GPM6A: variants seen among roughly 807,000 people sequenced by gnomAD.
GPM6A encodes glycoprotein M6A.
Under a neutral mutation model 32.1 loss-of-function variants are expected in GPM6A, and 7 were observed. The observed-to-expected ratio is 0.22, with a 90% CI of 0.12 to 0.41. The LOEUF is 0.41. GPM6A is among the 10% of genes least tolerant of loss of function. GPM6A has a pLI of 1.00. For synonymous variants in GPM6A, 130 were observed against 123.4 expected, an observed-to-expected ratio of 1.05 and a Z score of -0.35; for missense variants, 235 against 347.2, an observed-to-expected ratio of 0.68 and a Z score of 2.57.
At chr4:175,972,218 A>AT (rs1314992559) in intron 1 of GPM6A, among the ~76,000 whole-genome samples, 2 of 152,284 alleles carry the variant, frequency 1.3e-5, no homozygotes, top group East Asian at 1.9e-4. Context: ...GCAATAGAAG[A>AT]TTTTTTTAAA....
chr4:175,886,915 A>C (rs1737478258), intron 1 of GPM6A, among the ~76,000 whole-genome samples: 1 of 152,078 alleles, frequency 6.6e-6, no homozygotes, highest in African/African-American at 2.4e-5. Flanking sequence ...AAATAAATTA[A>C]AAGAAATGAA....
intron 1 of GPM6A, among the ~76,000 whole-genome samples, chr4:175,966,112 AT>A (rs1471570101): frequency 1.3e-5 from 2 of 152,056 alleles, no homozygotes; most frequent in African/African-American, 4.8e-5. Context: ...TGCCCTTAAA[AT>A]TTATATTTTC....
intron 2 of GPM6A, among the ~76,000 whole-genome samples, chr4:175,692,462 A>G (rs1386486102): frequency 6.6e-6 from 1 of 152,130 alleles, no homozygotes; most frequent in African/African-American, 2.4e-5. Context: ...AGTGAGGATG[A>G]ACATATGCTT....
At position 175,640,034 on chromosome 4, in the gene GPM6A, TG is replaced by T. The variant is rs1308946972; in HGVS notation, c.684+94del. ...TCTGATGACATAAATGTGTTTTACA[TG>T]AACTTCAAACTTTAGAGATAGTTTA... On this transcript the variant is annotated intron_variant, in intron 6 of 6. Coordinates refer to ENST00000393658, the MANE Select transcript of GPM6A (RefSeq NM_201591.3). 1.9e-4 allele frequency: 193 copies of T among 1,006,618 alleles called. 2 individuals are homozygous for T. In the South Asian group the frequency reaches 2.1e-3, roughly 11 times the overall value. 62.4% of individuals were successfully genotyped at this position (1,006,618 alleles called of 1,614,324 possible). A position where few individuals can be genotyped will look rare whatever the true frequency, so the allele number is the denominator to read the frequency against.
intron 1 of GPM6A, among the ~76,000 whole-genome samples, chr4:175,950,689 A>C (rs947117067): frequency 6.6e-6 from 1 of 152,158 alleles, no homozygotes; most frequent in Non-Finnish European, 1.5e-5. Flanking sequence ...TGGCAGGGGA[A>C]ATGAGGGGAC....
At chr4:175,766,236 T>C (rs1041147340) in intron 1 of GPM6A, among the ~76,000 whole-genome samples, 1 of 152,202 alleles carries the variant, frequency 6.6e-6, no homozygotes, top group African/African-American at 2.4e-5. Context: ...AAAATTTTCA[T>C]AAAATACTAA....
At chr4:175,958,825 C>T (rs1353715939) in intron 1 of GPM6A, among the ~76,000 whole-genome samples, 2 of 152,226 alleles carry the variant, frequency 1.3e-5, no homozygotes, top group African/African-American at 2.4e-5. Flanking sequence ...ACAGTTTACA[C>T]TCTTACTGCT....
chr4:175,739,106 A>T (rs1731780320), intron 1 of GPM6A, among the ~76,000 whole-genome samples: 2 of 152,184 alleles, frequency 1.3e-5, no homozygotes, highest in Admixed American at 1.3e-4. Context: ...GTGCCTGACA[A>T]GGTGTTGAAT....
chr4:175,692,260 G>GA (rs1206115918), intron 2 of GPM6A, among the ~76,000 whole-genome samples: 12 of 151,970 alleles, frequency 7.9e-5, no homozygotes, highest in African/African-American at 2.9e-4. Context: ...TAAATTCCTA[G>GA]AAAAAAATTA....
chr4:175,663,465 G>T (rs961412833), intron 3 of GPM6A, among the ~76,000 whole-genome samples: 1 of 152,118 alleles, frequency 6.6e-6, no homozygotes, highest in African/African-American at 2.4e-5. Flanking sequence ...TGTACAACAT[G>T]GTCGCTATAG....
At chr4:175,683,415 G>C (rs1743795538) in intron 2 of GPM6A, among the ~76,000 whole-genome samples, 1 of 152,156 alleles carries the variant, frequency 6.6e-6, no homozygotes, top group Non-Finnish European at 1.5e-5. Context: ...ATGCTGGAAA[G>C]AGTTAAGACT....
At chr4:175,882,939 A>T (rs772653335) in intron 1 of GPM6A, among the ~76,000 whole-genome samples, 1 of 152,124 alleles carries the variant, frequency 6.6e-6, no homozygotes, top group African/African-American at 2.4e-5. Flanking sequence ...TGATAAAGGC[A>T]TTCTAAGTAG....
At chr4:175,790,244 C>T (rs1289428528) in intron 1 of GPM6A, 2 of 152,074 alleles carry the variant, frequency 1.3e-5, no homozygotes, top group African/African-American at 2.4e-5. Context: ...AATTTCTGAG[C>T]ATGTTTAATC....
upstream of GPM6A, chr4:175,812,886 G>A (rs2111334428): frequency 2.0e-6 from 2 of 985,134 alleles, no homozygotes; most frequent in Admixed American, 1.2e-4. Context: ...AAGGTGCCAA[G>A]AAAGGATGCA....
intron 1 of GPM6A, among the ~76,000 whole-genome samples, chr4:175,969,031 C>T (rs73873522): frequency 0.051 from 7,818 of 151,870 alleles, 638 homozygotes; most frequent in African/African-American, 0.17. Flanking sequence ...CTTCACTAGG[C>T]GAATAGATAA....
At chr4:175,986,764 C>T (rs1254298195) in intron 1 of GPM6A, among the ~76,000 whole-genome samples, 2 of 152,136 alleles carry the variant, frequency 1.3e-5, no homozygotes, top group African/African-American at 4.8e-5. Flanking sequence ...TACACACTTA[C>T]TGCTCAAAAG....
chr4:175,899,721 C>G (rs925436081), intron 1 of GPM6A, among the ~76,000 whole-genome samples: 8 of 151,850 alleles, frequency 5.3e-5, no homozygotes, highest in African/African-American at 1.9e-4. Context: ...AAAATCAAAT[C>G]AAAATAGATT....
intron 1 of GPM6A, among the ~76,000 whole-genome samples, chr4:175,803,474 G>T (rs1034199260): frequency 3.7e-4 from 57 of 152,210 alleles, no homozygotes; most frequent in African/African-American, 1.4e-3. Context: ...GGCACAGTGT[G>T]TTAAGATGAG....
At chr4:175,984,705 T>C (rs1740922092) in intron 1 of GPM6A, among the ~76,000 whole-genome samples, 1 of 152,342 alleles carries the variant, frequency 6.6e-6, no homozygotes, top group South Asian at 2.1e-4. Flanking sequence ...TACTTTCCTA[T>C]ATTTTTATTG....
Sources: allele counts gnomAD v4.1 joint callset (sites outside exome capture counted in the v4.1 genomes callset), GRCh38; gene constraint gnomAD v4.1.1; transcripts MANE v1.5; gene names NCBI Gene and HGNC (gene_info 2026-07-23, HGNC 2026-07-21).